BBS9: variants seen among roughly 807,000 people sequenced by gnomAD.
The protein encoded by BBS9 is Bardet-Biedl syndrome 9, also known as protein PTHB1.
In BBS9, 89 loss-of-function variants were observed where a neutral mutation model predicts 117.7. The ratio of observed to expected loss-of-function variants is 0.76; its 90% confidence interval spans 0.64 to 0.90. The LOEUF is 0.90. Ranked by LOEUF, BBS9 falls within the 40% of genes least tolerant of loss-of-function variation. The pLI is 0.00. For synonymous variants in BBS9, 379 were observed against 370.9 expected, an observed-to-expected ratio of 1.02 and a Z score of -0.25; for missense variants, 982 against 1,042.2, an observed-to-expected ratio of 0.94 and a Z score of 0.80.
intron 19 of BBS9, among the ~76,000 whole-genome samples, chr7:33,455,242 G>GTACC (rs1838466328): frequency 6.6e-6 from 1 of 151,338 alleles, no homozygotes; most frequent in African/African-American, 2.4e-5. Flanking sequence ...CGTGATGGTG[G>GTACC]TACCTCAGAG....
At chr7:33,601,281 C>A (rs1207742733) in intron 21 of BBS9, among the ~76,000 whole-genome samples, 1 of 152,014 alleles carries the variant, frequency 6.6e-6, no homozygotes, top group Non-Finnish European at 1.5e-5. Context: ...CTTGTCCTTG[C>A]CTGAGGGCTC....
intron 5 of BBS9, among the ~76,000 whole-genome samples, chr7:33,252,543 A>T (rs950814507): frequency 6.6e-6 from 1 of 152,062 alleles, no homozygotes; most frequent in South Asian, 2.1e-4. Context: ...CATTTCTGAG[A>T]AGTTCCTAGG....
rs35199510 is a variant in BBS9 at position 33,489,331 on chromosome 7, C to CTTTT, written c.2116-16113_2116-16110dup. Reference sequence around the variant, plus strand: ...TTTAAACAAAAATAACCACTTATGGCTTTTTTTTTTTTTTTTTTTTTTGCT... The same window carrying CTTTT: ...TTTAAACAAAAATAACCACTTATGGCTTTTTTTTTTTTTTTTTTTTTTTTTTGCT... On this transcript the variant is annotated intron_variant, in intron 19 of 22. Coordinates refer to ENST00000242067, the MANE Select transcript of BBS9 (RefSeq NM_198428.3). Among the ~76,000 whole-genome samples the CTTTT allele has an allele frequency of 3.4e-3, 293 of 86,172 alleles. 1 individual carries two copies. Among genetic ancestry groups the CTTTT allele is most frequent in the African/African-American group, 6.4e-3 (143 of 22,290 alleles). 56.5% of individuals were successfully genotyped at this position (86,172 alleles called of 152,430 possible).
At chr7:33,531,257 G>A (rs4720122) in intron 20 of BBS9, among the ~76,000 whole-genome samples, 101,477 of 151,938 alleles carry the variant, frequency 0.67, 36,020 homozygotes, top group East Asian at 0.91. Context: ...ATAGAGAGAG[G>A]GAGACAGAGA....
At chr7:33,393,440 C>T (rs1827404188) in intron 19 of BBS9, among the ~76,000 whole-genome samples, 1 of 152,172 alleles carries the variant, frequency 6.6e-6, no homozygotes, top group African/African-American at 2.4e-5. Context: ...TACTGGATTT[C>T]TTAATACTTT....
At chr7:33,499,051 A>G (rs1845106095) in intron 19 of BBS9, among the ~76,000 whole-genome samples, 1 of 152,142 alleles carries the variant, frequency 6.6e-6, no homozygotes, top group Non-Finnish European at 1.5e-5. Flanking sequence ...TACTCCTCTC[A>G]TTTAATTTTC....
intron 20 of BBS9, 60 bp from the exon 21 acceptor site, chr7:33,533,894 A>G (rs1001584192): frequency 6.7e-5 from 104 of 1,548,502 alleles, no homozygotes; most frequent in Non-Finnish European, 8.9e-5. Flanking sequence ...ATAATACATC[A>G]AGTGCCCACT....
intron 19 of BBS9, among the ~76,000 whole-genome samples, chr7:33,485,724 G>A (rs1346576843): frequency 1.3e-5 from 2 of 152,202 alleles, no homozygotes; most frequent in South Asian, 2.1e-4. Flanking sequence ...CTTGACAATA[G>A]TAGGCCAAAT....
intron 9 of BBS9, among the ~76,000 whole-genome samples, chr7:33,297,491 A>G (rs957659733): frequency 5.3e-5 from 8 of 152,184 alleles, no homozygotes; most frequent in African/African-American, 1.9e-4. Context: ...AAACTGGTAG[A>G]TGTGTTTTGC....
intron 5 of BBS9, among the ~76,000 whole-genome samples, chr7:33,238,589 C>A (rs887966899): frequency 2.0e-5 from 3 of 152,006 alleles, no homozygotes; most frequent in African/African-American, 7.3e-5. Flanking sequence ...ACAACATGAC[C>A]GACCCTTGTT....
intron 7 of BBS9, among the ~76,000 whole-genome samples, chr7:33,269,790 C>T (rs997872779): frequency 2.0e-5 from 3 of 151,512 alleles, no homozygotes; most frequent in African/African-American, 2.4e-5. Flanking sequence ...TTTGGGAGGC[C>T]GAGGCAGGCG....
intron 12 of BBS9, among the ~76,000 whole-genome samples, chr7:33,346,919 G>A (rs1817694453): frequency 6.6e-6 from 1 of 152,118 alleles, no homozygotes; most frequent in African/African-American, 2.4e-5. Flanking sequence ...TTGGATTGAT[G>A]GCTTTGCACA....
intron 9 of BBS9, chr7:33,276,905 TC>T: frequency 5.7e-6 from 1 of 174,624 alleles, no homozygotes. Context: ...CTGCCCTCAC[TC>T]CCTCACCTCA....
At chr7:33,387,388 T>C (rs1263195588) in intron 18 of BBS9, among the ~76,000 whole-genome samples, 1 of 152,216 alleles carries the variant, frequency 6.6e-6, no homozygotes, top group Non-Finnish European at 1.5e-5. Flanking sequence ...GATTTGTAGA[T>C]GCTTTCTAGA....
chr7:33,623,673 G>A (rs1865514716), intron 21 of BBS9, among the ~76,000 whole-genome samples: 1 of 152,088 alleles, frequency 6.6e-6, no homozygotes, highest in African/African-American at 2.4e-5. Context: ...TTACTGTGGG[G>A]TACTACACAG....
At chr7:33,380,148 A>G (rs1253918793) in intron 17 of BBS9, 4 of 162,448 alleles carry the variant, frequency 2.5e-5, no homozygotes, top group African/African-American at 9.6e-5. Context: ...TACAGCAGGC[A>G]GTGTCAGAAA....
chr7:33,143,701 G>C (rs571065455), intron 1 of BBS9, among the ~76,000 whole-genome samples: 3 of 151,854 alleles, frequency 2.0e-5, no homozygotes, highest in African/African-American at 4.8e-5. Flanking sequence ...GAGTGGCTGG[G>C]ATTACAGGTG....
chr7:33,242,877 G>C, intron 5 of BBS9: 2 of 511,830 alleles, frequency 3.9e-6, no homozygotes, highest in Non-Finnish European at 7.8e-6. Context: ...ATAACATTCA[G>C]TTGGAGAAAC....
chr7:33,473,839 A>G (rs1045681596), intron 19 of BBS9, among the ~76,000 whole-genome samples: 1 of 152,170 alleles, frequency 6.6e-6, no homozygotes, highest in African/African-American at 2.4e-5. Flanking sequence ...TTTCCCCACC[A>G]GACATAAGCT....
Sources: allele counts gnomAD v4.1 joint callset (sites outside exome capture counted in the v4.1 genomes callset), GRCh38; gene constraint gnomAD v4.1.1; transcripts MANE v1.5; gene names NCBI Gene and HGNC (gene_info 2026-07-23, HGNC 2026-07-21).